Variants in SERINC5 observed in about 807,000 individuals in gnomAD.
SERINC5 encodes the protein chromosome 5 open reading frame 12.
A neutral mutation model predicts 63.1 loss-of-function variants in SERINC5; 41 were observed. The observed-to-expected ratio is 0.65, with a 90% CI of 0.51 to 0.84. The LOEUF (loss-of-function observed/expected upper bound fraction) is 0.84. Ranked by LOEUF, SERINC5 falls within the 40% of genes least tolerant of loss-of-function variation. The pLI is 0.00. For synonymous variants in SERINC5, 222 were observed against 215.2 expected (o/e 1.03, Z -0.28); for missense variants, 523 against 573.0 (o/e 0.91, Z 0.89).
intron 2 of SERINC5, among the ~76,000 whole-genome samples, chr5:80,179,743 T>C (rs762741910): frequency 2.0e-5 from 3 of 152,240 alleles, no homozygotes; most frequent in Non-Finnish European, 4.4e-5. Flanking sequence ...CCTTTGAGTA[T>C]CATGTTGGCA....
intron 5 of SERINC5, among the ~76,000 whole-genome samples, chr5:80,173,234 G>T (rs995291348): frequency 1.1e-4 from 8 of 74,296 alleles, no homozygotes; most frequent in African/African-American, 6.9e-4. Context: ...AAGAAGGAAG[G>T]AAGGAAGGAA....
Position 80,186,281 on chromosome 5 carries a change from T to C in SERINC5, c.196-8217A>G, listed in dbSNP as rs966322364. Among the ~76,000 whole-genome samples the C allele has an allele frequency of 1.1e-4, 17 of 151,946 alleles. No individual in the cohort carries two copies. The East Asian group carries it at 2.9e-3, about 26-fold the overall frequency. ...CCTCCCGAGTAGCTGGGATTACAGG[T>C]GCCTGCCACCATGCCTGGCTAACTT... On this transcript the variant is annotated intron_variant, in intron 2 of 11. Coordinates refer to ENST00000507668, the MANE Select transcript of SERINC5 (RefSeq NM_001174072.3).
At chr5:80,198,580 C>A (rs760451706) in intron 2 of SERINC5, 12 of 985,438 alleles carry the variant, frequency 1.2e-5, no homozygotes, top group Non-Finnish European at 1.4e-5. Context: ...GCATGCAGTT[C>A]TTTCTCCTCT....
intron 1 of SERINC5, among the ~76,000 whole-genome samples, chr5:80,246,106 T>C (rs952225910): frequency 6.6e-5 from 10 of 152,086 alleles, no homozygotes; most frequent in African/African-American, 2.4e-4. Flanking sequence ...TTCATTACTA[T>C]GGAAACAAAA....
intron 1 of SERINC5, among the ~76,000 whole-genome samples, chr5:80,240,494 C>G (rs558370682): frequency 2.6e-5 from 4 of 152,254 alleles, no homozygotes; most frequent in Non-Finnish European, 5.9e-5. Context: ...CAAATTTTCC[C>G]CGTGAGACCT....
intron 11 of SERINC5, among the ~76,000 whole-genome samples, chr5:80,124,542 T>C (rs1561349168): frequency 1.3e-5 from 2 of 152,152 alleles, no homozygotes; most frequent in African/African-American, 4.8e-5. Flanking sequence ...GGAAATTTCA[T>C]GTAAGGATGC....
chr5:80,189,419 CA>C (rs1236831308), intron 2 of SERINC5, among the ~76,000 whole-genome samples: 1 of 152,288 alleles, frequency 6.6e-6, no homozygotes, highest in East Asian at 1.9e-4. Context: ...GCCAAAGACA[CA>C]AATCTATTTC....
intron 1 of SERINC5, among the ~76,000 whole-genome samples, chr5:80,231,512 A>T (rs1361329978): frequency 6.6e-6 from 1 of 152,190 alleles, no homozygotes; most frequent in Admixed American, 6.5e-5. Flanking sequence ...TGAGTCAGCC[A>T]TCTAAGAATG....
At chr5:80,231,762 A>C (rs983221938) in intron 1 of SERINC5, among the ~76,000 whole-genome samples, 1 of 152,208 alleles carries the variant, frequency 6.6e-6, no homozygotes, top group Non-Finnish European at 1.5e-5. Flanking sequence ...ATTCAAATGC[A>C]AAACAATGAA....
chr5:80,220,687 C>A (rs557293371), intron 1 of SERINC5, among the ~76,000 whole-genome samples: 1 of 152,078 alleles, frequency 6.6e-6, no homozygotes, highest in African/African-American at 2.4e-5. Context: ...GAGGTAGGCG[C>A]CTCTGAGTCA....
At position 80,142,238 on chromosome 5, in the gene SERINC5, G is replaced by A. The variant is rs909364592; in HGVS notation, c.*1425C>T. 6.1e-6 allele frequency: 6 copies of A among 985,178 alleles called. No individual in the cohort carries two copies. The highest frequency in any genetic ancestry group is 7.2e-6 in the Non-Finnish European group (6 of 829,910). The allele number at this position is 985,178 out of a possible 1,614,324, so 61.0% of individuals were successfully genotyped here. On this transcript the variant is annotated 3_prime_UTR_variant, in exon 12 of 12. Transcript: ENST00000507668. ...ATAGGCATCATCTTGGGTAGCTGCC[G>A]AAAGTCACGTTTCTGTATTACTTTG...
intron 2 of SERINC5, among the ~76,000 whole-genome samples, chr5:80,191,904 C>T (rs909701149): frequency 2.6e-5 from 4 of 152,146 alleles, no homozygotes; most frequent in African/African-American, 9.7e-5. Flanking sequence ...TGACGTTTCC[C>T]TTTTGAGAGA....
intron 1 of SERINC5, among the ~76,000 whole-genome samples, chr5:80,238,886 C>T (rs576193225): frequency 2.0e-5 from 3 of 152,014 alleles, no homozygotes; most frequent in African/African-American, 4.8e-5. Flanking sequence ...TTGAACTGCT[C>T]TGCACAGACA....
chr5:80,204,023 G>A (rs1022094239), intron 1 of SERINC5, among the ~76,000 whole-genome samples: 6 of 152,188 alleles, frequency 3.9e-5, no homozygotes, highest in African/African-American at 7.2e-5. Flanking sequence ...TTTGGTGAAC[G>A]CATCCATGTG....
downstream of SERINC5, among the ~76,000 whole-genome samples, chr5:80,138,126 T>C (rs1419395105): frequency 1.3e-5 from 2 of 151,336 alleles, no homozygotes; most frequent in Non-Finnish European, 2.9e-5. Context: ...TTCCTAAGTT[T>C]GACTTAAGAG....
At chr5:80,213,553 G>A (rs905328505) in intron 1 of SERINC5, among the ~76,000 whole-genome samples, 1 of 152,100 alleles carries the variant, frequency 6.6e-6, no homozygotes, top group African/African-American at 2.4e-5. Flanking sequence ...TTCAAACCTC[G>A]GTTTCCTACA....
chr5:80,163,165 T>C (rs1359848041), intron 7 of SERINC5, among the ~76,000 whole-genome samples: 1 of 151,052 alleles, frequency 6.6e-6, no homozygotes, highest in African/African-American at 2.4e-5. Context: ...AAAACACTAC[T>C]AATTTTTGTA....
chr5:80,208,274 G>A (rs1302015319), intron 1 of SERINC5, among the ~76,000 whole-genome samples: 1 of 151,738 alleles, frequency 6.6e-6, no homozygotes, highest in African/African-American at 2.4e-5. Context: ...CTGGTGGGAG[G>A]AGCTGATAAT....
Position 80,138,915 on chromosome 5 carries a change from A to C in SERINC5, c.*4748T>G. On this transcript the variant is annotated 3_prime_UTR_variant, in exon 12 of 12. Coordinates refer to ENST00000507668, the MANE Select transcript of SERINC5 (RefSeq NM_001174072.3). ...ACAGTTTTAATTTTAAATTTTATTA[A>C]AGTACAGAGTTAACAAGTTTTGAGT... The C allele has an allele frequency of 1.0e-6, 1 of 971,320 alleles. No homozygotes were observed. Among genetic ancestry groups the C allele is most frequent in the South Asian group, 4.8e-5 (1 of 21,020 alleles). 60.2% of individuals were successfully genotyped at this position (971,320 alleles called of 1,614,324 possible).
Sources: gnomAD v4.1 joint callset for allele counts (sites outside exome capture counted in the v4.1 genomes callset) on GRCh38, gnomAD v4.1.1 for gene constraint, MANE v1.5 for transcripts, NCBI Gene and HGNC (gene_info 2026-07-23, HGNC 2026-07-21) for gene names.